Variants in ITGA8 observed in about 807,000 individuals in gnomAD.
The protein encoded by ITGA8 is integrin subunit alpha 8.
ITGA8 carries 91 observed loss-of-function variants against 142.3 expected under a neutral mutation model. The observed-to-expected ratio is 0.64, with a 90% CI of 0.54 to 0.76. The LOEUF is 0.76. Ranked by LOEUF, ITGA8 falls within the 30% of genes least tolerant of loss-of-function variation. ITGA8 has a pLI of 0.00. For missense variants in ITGA8, 1,406 were observed against 1,327.7 expected (o/e 1.06, Z -0.92); for synonymous variants, 505 against 485.2 (o/e 1.04, Z -0.54).
intron 2 of ITGA8, among the ~76,000 whole-genome samples, chr10:15,708,722 C>T (rs951362057): frequency 6.6e-6 from 1 of 152,158 alleles, no homozygotes; most frequent in African/African-American, 2.4e-5. Flanking sequence ...AACAAATTGG[C>T]ACAGCAAACC....
At chr10:15,691,243 G>A (rs79434924) in intron 2 of ITGA8, among the ~76,000 whole-genome samples, 3,702 of 152,224 alleles carry the variant, frequency 0.024, 62 homozygotes, top group Admixed American at 0.046. Context: ...CTCCTGGTGG[G>A]AATATAAATT....
chr10:15,672,407 A>G (rs1333145394), intron 7 of ITGA8, among the ~76,000 whole-genome samples: 2 of 152,210 alleles, frequency 1.3e-5, no homozygotes, highest in African/African-American at 4.8e-5. Context: ...AAAAACTGCT[A>G]TGGAGCCAAC....
At chr10:15,631,895 A>G (rs1172118841) in intron 13 of ITGA8, among the ~76,000 whole-genome samples, 1 of 151,868 alleles carries the variant, frequency 6.6e-6, no homozygotes, top group Admixed American at 6.6e-5. Flanking sequence ...TGGGTTTCAG[A>G]AAGAACCCAG....
intron 23 of ITGA8, among the ~76,000 whole-genome samples, chr10:15,578,969 A>C (rs1431287632): frequency 6.6e-6 from 1 of 152,142 alleles, no homozygotes; most frequent in Non-Finnish European, 1.5e-5. Flanking sequence ...ACCCAAATAA[A>C]TGAATCCATT....
chr10:15,518,333 T>A (rs530932850), intron 29 of ITGA8, among the ~76,000 whole-genome samples: 4 of 152,362 alleles, frequency 2.6e-5, no homozygotes, highest in South Asian at 2.1e-4. Context: ...CACATGGTTG[T>A]ATCTTATACT....
intron 8 of ITGA8, among the ~76,000 whole-genome samples, chr10:15,663,083 G>A (rs539883007): frequency 6.6e-6 from 1 of 152,274 alleles, no homozygotes; most frequent in Non-Finnish European, 1.5e-5. Context: ...AGCAGTGTGA[G>A]GATCCATATT....
intron 6 of ITGA8, among the ~76,000 whole-genome samples, chr10:15,673,900 A>G (rs1368629354): frequency 1.3e-5 from 2 of 152,194 alleles, no homozygotes; most frequent in Admixed American, 1.3e-4. Context: ...GACAACCAGC[A>G]ATTTCCGCTG....
rs71374639 is a variant in ITGA8, at chr10:15,694,678, CATAT to C, written c.344-6644_344-6641del. On this transcript the variant is annotated intron_variant, in intron 2 of 29. Coordinates refer to ENST00000378076, the MANE Select transcript of ITGA8 (RefSeq NM_003638.3). Reference sequence around the variant, plus strand: ...TATATATTATATCTATATTTGTCGACATATATATATATATATATATATATGTCGA... The same window carrying C: ...TATATATTATATCTATATTTGTCGACATATATATATATATATATATGTCGA... 5.9e-4 allele frequency among the ~76,000 whole-genome samples: 46 copies of C among 77,510 alleles called. No homozygotes were observed. In the South Asian group the frequency reaches 0.01, roughly 17 times the overall value. The allele number at this position is 77,510 out of a possible 152,430, so 50.8% of individuals were successfully genotyped here. A position where few individuals can be genotyped will look rare whatever the true frequency, so the allele number is the denominator to read the frequency against.
chr10:15,699,169 A>T (rs940970630), intron 2 of ITGA8, among the ~76,000 whole-genome samples: 1 of 152,206 alleles, frequency 6.6e-6, no homozygotes, highest in African/African-American at 2.4e-5. Context: ...CTGTAGTCTC[A>T]GCTACTCAGG....
intron 20 of ITGA8, 84 bp from the exon 21 acceptor site, chr10:15,597,383 C>G (rs1218988680): frequency 9.4e-7 from 1 of 1,062,808 alleles, no homozygotes; most frequent in African/African-American, 1.6e-5. Context: ...CTGGGAGCTC[C>G]CCTGGATCTC....
At chr10:15,585,728 A>G (rs1832816516) in intron 23 of ITGA8, among the ~76,000 whole-genome samples, 1 of 152,198 alleles carries the variant, frequency 6.6e-6, no homozygotes, top group African/African-American at 2.4e-5. Context: ...TCCCCCAGGC[A>G]TGGATTTTGC....
intron 13 of ITGA8, among the ~76,000 whole-genome samples, chr10:15,629,164 A>C (rs1833640118): frequency 6.6e-6 from 1 of 151,974 alleles, no homozygotes; most frequent in South Asian, 2.1e-4. Flanking sequence ...TGGGACCCCA[A>C]ACTCATTAAG....
At chr10:15,541,703 C>G (rs1833573250) in intron 27 of ITGA8, among the ~76,000 whole-genome samples, 1 of 152,172 alleles carries the variant, frequency 6.6e-6, no homozygotes, top group Non-Finnish European at 1.5e-5. Flanking sequence ...ATTCCTCCTG[C>G]TCTTGAGGAG....
At chr10:15,678,579 A>G in intron 5 of ITGA8, 143 bp downstream of exon 5, 1 of 528,264 alleles carries the variant, frequency 1.9e-6, no homozygotes, top group East Asian at 3.0e-5. Flanking sequence ...TTTAGAAAGC[A>G]TTTGCCCAAA....
chr10:15,557,944 G>T, intron 26 of ITGA8, 130 bp downstream of exon 26: 2 of 1,150,110 alleles, frequency 1.7e-6, no homozygotes, highest in Non-Finnish European at 1.2e-6. Flanking sequence ...GATAAACACT[G>T]CCAAACGTTA....
intron 25 of ITGA8, among the ~76,000 whole-genome samples, chr10:15,570,610 C>CAAAAAA (rs931457896): frequency 3.3e-4 from 13 of 39,896 alleles, no homozygotes; most frequent in East Asian, 1.4e-3. Context: ...AACTCCATCT[C>CAAAAAA]AAAAAAAAAA....
intron 26 of ITGA8, 32 bp downstream of exon 26, chr10:15,558,042 C>A (rs1208108538): frequency 5.0e-6 from 8 of 1,612,280 alleles, no homozygotes; most frequent in Non-Finnish European, 5.1e-6. Flanking sequence ...CCACTCATTT[C>A]CCTCAGTTCT....
At chr10:15,534,081 A>ATTT (rs143060221) in intron 27 of ITGA8, among the ~76,000 whole-genome samples, 1 of 151,254 alleles carries the variant, frequency 6.6e-6, no homozygotes, top group Non-Finnish European at 1.5e-5. Context: ...TAATTTTTGT[A>ATTT]TTTTTTTTAG....
intron 13 of ITGA8, among the ~76,000 whole-genome samples, chr10:15,621,032 T>G (rs1048833754): frequency 1.3e-5 from 2 of 152,230 alleles, no homozygotes; most frequent in Non-Finnish European, 2.9e-5. Context: ...TGGAACATTT[T>G]TTTCTCCCTT....
Sources: gnomAD v4.1 joint callset for allele counts (sites outside exome capture counted in the v4.1 genomes callset) on GRCh38, gnomAD v4.1.1 for gene constraint, MANE v1.5 for transcripts, NCBI Gene and HGNC (gene_info 2026-07-23, HGNC 2026-07-21) for gene names.